GABPA: variants seen among roughly 807,000 people sequenced by gnomAD.
The protein encoded by GABPA is GA binding protein transcription factor subunit alpha.
In GABPA, 4 loss-of-function variants were observed where a neutral mutation model predicts 59.4. That is an observed-to-expected ratio of 0.07 (90% CI 0.03 to 0.15). The LOEUF (loss-of-function observed/expected upper bound fraction) is 0.15, where lower values mean the gene tolerates loss of function less well. GABPA is among the 10% of genes least tolerant of loss of function. The pLI, the probability that GABPA is intolerant of heterozygous loss-of-function variation, is 1.00. For synonymous variants in GABPA, 164 were observed against 183.1 expected, an observed-to-expected ratio of 0.90 and a Z score of 0.84; for missense variants, 251 against 543.8, an observed-to-expected ratio of 0.46 and a Z score of 5.36.
chr21:25,755,324 A>G (rs1284043539), intron 5 of GABPA, among the ~76,000 whole-genome samples: 5 of 151,404 alleles, frequency 3.3e-5, no homozygotes, highest in Non-Finnish European at 7.4e-5. Context: ...ATACACCAAT[A>G]TCCTAGGAGG....
chr21:25,761,402 A>T (rs1049626197), intron 6 of GABPA, among the ~76,000 whole-genome samples: 3 of 152,160 alleles, frequency 2.0e-5, no homozygotes, highest in African/African-American at 7.2e-5. Context: ...ATAATTCTTA[A>T]GTCCTCAGTC....
chr21:25,760,549 A>C (rs189378154), intron 6 of GABPA, among the ~76,000 whole-genome samples: 1 of 151,918 alleles, frequency 6.6e-6, no homozygotes, highest in African/African-American at 2.4e-5. Flanking sequence ...AAGTCCCACT[A>C]TACATGGGAG....
intron 3 of GABPA, among the ~76,000 whole-genome samples, chr21:25,745,834 A>C (rs1446908417): frequency 6.6e-6 from 1 of 152,284 alleles, no homozygotes; most frequent in South Asian, 2.1e-4. Flanking sequence ...AAAGGATTTT[A>C]CCCATGGTAG....
chr21:25,758,514 A>G (rs1194109835), intron 6 of GABPA, among the ~76,000 whole-genome samples: 3 of 152,176 alleles, frequency 2.0e-5, no homozygotes, highest in African/African-American at 7.2e-5. Flanking sequence ...AAGTTCTTAA[A>G]TCAGATGCTG....
chr21:25,761,644 G>A (rs1348300147), intron 6 of GABPA, among the ~76,000 whole-genome samples: 2 of 152,162 alleles, frequency 1.3e-5, no homozygotes, highest in Non-Finnish European at 2.9e-5. Flanking sequence ...ATAGAGACTG[G>A]GATGTGCAAT....
At chr21:25,743,073 G>C (rs1445896867) in intron 2 of GABPA, among the ~76,000 whole-genome samples, 1 of 152,152 alleles carries the variant, frequency 6.6e-6, no homozygotes, top group Non-Finnish European at 1.5e-5. Flanking sequence ...GTCTTGTAAA[G>C]ACTTGACTAG....
chr21:25,758,102 A>T lies in GABPA; in HGVS notation c.646A>T (p.Asn216Tyr). Reference protein sequence around the residue: ...SMTDIDLTTLNISGRELCSLN... With the variant: ...SMTDIDLTTLYISGRELCSLN... ...GACCGATATAGACCTCACCACACTC[A>T]ACATTTCGGGGAGAGAATTATGTAG... Residue 216 changes from asparagine (N) to tyrosine (Y), a missense_variant, in exon 6 of 10, where the codon AAC (asparagine) becomes TAC (tyrosine). Transcript: ENST00000400075. 3 of 1,611,342 alleles carry T rather than the reference A, an allele frequency of 1.9e-6. No individual in the cohort carries two copies. The highest frequency in any genetic ancestry group is 2.5e-6 in the Non-Finnish European group (3 of 1,178,756).
chr21:25,749,745 C>A (rs998457093), intron 4 of GABPA, among the ~76,000 whole-genome samples: 1 of 152,202 alleles, frequency 6.6e-6, no homozygotes, highest in African/African-American at 2.4e-5. Context: ...ACAGGAAAAT[C>A]ACTTGAACCC....
In GABPA at chr21:25,745,633, A is replaced by G. The variant is rs1478529574; in HGVS notation, c.222+279A>G. Among the ~76,000 whole-genome samples the G allele has an allele frequency of 4.6e-5, 7 of 152,382 alleles. No homozygotes were observed. The East Asian group carries it at 1.3e-3, about 29-fold the overall frequency. ...TTTAAATAAATTAGAATCAAAGCTT[A>G]AATATAAGTAGTAACAGTAGGAAGC... On this transcript the variant is annotated intron_variant, in intron 3 of 9. Coordinates refer to ENST00000400075, the MANE Select transcript of GABPA (RefSeq NM_002040.4).
At chr21:25,746,255 TC>T (rs1335289410) in intron 3 of GABPA, among the ~76,000 whole-genome samples, 8 of 152,168 alleles carry the variant, frequency 5.3e-5, no homozygotes, top group African/African-American at 1.9e-4. Flanking sequence ...TCTCAAGTGA[TC>T]CGCCTGCCTT....
chr21:25,738,827 C>A (rs2035144978), intron 1 of GABPA, among the ~76,000 whole-genome samples: 1 of 152,064 alleles, frequency 6.6e-6, no homozygotes, highest in Admixed American at 6.5e-5. Flanking sequence ...CTGTTTTCTT[C>A]AGCCCTCAGG....
intron 1 of GABPA, 106 bp from the exon 2 acceptor site, chr21:25,741,466 CT>C: frequency 2.1e-6 from 1 of 472,070 alleles, no homozygotes; most frequent in Non-Finnish European, 3.8e-6. Flanking sequence ...CTACTTCCCC[CT>C]CTTCTGCTTG....
chr21:25,758,309 G>A (rs2035686132), intron 6 of GABPA, 105 bp downstream of exon 6: 2 of 780,924 alleles, frequency 2.6e-6, no homozygotes, highest in Non-Finnish European at 4.0e-6. Context: ...TAAGTAATAA[G>A]CAATAATAAT....
In GABPA at chr21:25,756,188, T is replaced by G. The variant is rs557032970; in HGVS notation, c.554-1822T>G. Among the ~76,000 whole-genome samples, 15 of 129,906 alleles carry G rather than the reference T, an allele frequency of 1.2e-4. No homozygotes were observed. The South Asian group carries it at 1.8e-3, about 16-fold the overall frequency. The allele number at this position is 129,906 out of a possible 152,430, so 85.2% of individuals were successfully genotyped here. A position where few individuals can be genotyped will look rare whatever the true frequency, so the allele number is the denominator to read the frequency against. On this transcript the variant is annotated intron_variant, in intron 5 of 9. Transcript: ENST00000400075. ...AAATCAGACAAATTATATTTTTCCCTGAGTTTTTTTTATTTTTAAATTTTT... is the reference window on the plus strand; with the variant it reads ...AAATCAGACAAATTATATTTTTCCCGGAGTTTTTTTTATTTTTAAATTTTT...
intron 6 of GABPA, among the ~76,000 whole-genome samples, chr21:25,760,549 A>G (rs189378154): frequency 6.6e-6 from 1 of 151,800 alleles, no homozygotes; most frequent in Non-Finnish European, 1.5e-5. Context: ...AAGTCCCACT[A>G]TACATGGGAG....
chr21:25,743,130 A>G (rs941349577), intron 2 of GABPA, among the ~76,000 whole-genome samples: 3 of 152,164 alleles, frequency 2.0e-5, no homozygotes, highest in African/African-American at 7.2e-5. Context: ...TCTCAGCAAG[A>G]TGCCTCAGTT....
At chr21:25,759,275 A>C (rs939696810) in intron 6 of GABPA, among the ~76,000 whole-genome samples, 1 of 152,164 alleles carries the variant, frequency 6.6e-6, no homozygotes, top group African/African-American at 2.4e-5. Context: ...ACTACAACAT[A>C]CTCTGACTTT....
intron 1 of GABPA, among the ~76,000 whole-genome samples, chr21:25,736,506 A>G (rs2035067099): frequency 6.6e-6 from 1 of 152,166 alleles, no homozygotes; most frequent in African/African-American, 2.4e-5. Context: ...CTTTATTTTT[A>G]GACATACAGT....
At chr21:25,752,363 C>G in intron 5 of GABPA, 129 bp downstream of exon 5, 2 of 982,374 alleles carry the variant, frequency 2.0e-6, no homozygotes, top group Non-Finnish European at 1.5e-6. Flanking sequence ...TTCTGTATCT[C>G]TCTTTTAATT....
Sources: gnomAD v4.1 joint callset for allele counts (sites outside exome capture counted in the v4.1 genomes callset) on GRCh38, gnomAD v4.1.1 for gene constraint, MANE v1.5 for transcripts, NCBI Gene and HGNC (gene_info 2026-07-23, HGNC 2026-07-21) for gene names.